The following SIL1 variants were observed in gnomAD, a reference collection of about 807,000 sequenced individuals.
The protein encoded by SIL1 is nucleotide exchange factor SIL1.
In SIL1, 40 loss-of-function variants were observed where a neutral mutation model predicts 49.1. The observed-to-expected ratio is 0.81, with a 90% CI of 0.63 to 1.06. The LOEUF is 1.06. Ranked by LOEUF, SIL1 falls within the 50% of genes least tolerant of loss-of-function variation. The pLI, the probability that SIL1 is intolerant of heterozygous loss-of-function variation, is 0.00. For missense variants in SIL1, 500 were observed against 572.6 expected (o/e 0.87, Z 1.29); for synonymous variants, 253 against 250.8 (o/e 1.01, Z -0.08).
chr5:139,131,400 A>T (rs1274948696), intron 1 of SIL1, among the ~76,000 whole-genome samples: 2 of 151,814 alleles, frequency 1.3e-5, no homozygotes, highest in African/African-American at 4.8e-5. Context: ...CTCAGAAGTC[A>T]TTACCCCTCT....
chr5:139,121,895 C>T (rs575222535), intron 2 of SIL1, among the ~76,000 whole-genome samples: 9 of 152,232 alleles, frequency 5.9e-5, no homozygotes, highest in Middle Eastern at 3.4e-3. Context: ...CAGGAGACAG[C>T]GATGCAAGAT....
intron 7 of SIL1, among the ~76,000 whole-genome samples, chr5:138,957,414 T>TAA (rs58144526): frequency 0.025 from 2,249 of 91,378 alleles, 67 homozygotes; most frequent in African/African-American, 0.07. Context: ...TCTGCAAAAG[T>TAA]AAAAAAAAAA....
chr5:139,181,178 C>T (rs1751975773), intron 1 of SIL1, among the ~76,000 whole-genome samples: 3 of 152,264 alleles, frequency 2.0e-5, no homozygotes, highest in East Asian at 3.9e-4. Context: ...TCTCTCCTTT[C>T]CAACCAAGCC....
At chr5:139,095,425 C>G (rs1340770658) in intron 3 of SIL1, among the ~76,000 whole-genome samples, 1 of 152,124 alleles carries the variant, frequency 6.6e-6, no homozygotes, top group Non-Finnish European at 1.5e-5. Context: ...CCATACCCAG[C>G]TAATTTTTGT....
chr5:139,041,712 G>A (rs1175885037), intron 5 of SIL1, among the ~76,000 whole-genome samples: 1 of 151,612 alleles, frequency 6.6e-6, no homozygotes, highest in Non-Finnish European at 1.5e-5. Flanking sequence ...GCTGAGGCAG[G>A]AGAATCGCTT....
chr5:139,170,731 G>C (rs1287415277), intron 1 of SIL1, among the ~76,000 whole-genome samples: 1 of 151,954 alleles, frequency 6.6e-6, no homozygotes, highest in Admixed American at 6.6e-5. Flanking sequence ...CGTCTGGGAA[G>C]TGAGGAGCGT....
intron 3 of SIL1, among the ~76,000 whole-genome samples, chr5:139,099,664 T>C (rs1305236999): frequency 6.6e-6 from 1 of 152,098 alleles, no homozygotes; most frequent in African/African-American, 2.4e-5. Flanking sequence ...TTATGTTAAA[T>C]AAGCCAGGCA....
At chr5:139,023,484 G>C (rs755517913) in intron 6 of SIL1, among the ~76,000 whole-genome samples, 2 of 152,264 alleles carry the variant, frequency 1.3e-5, no homozygotes, top group African/African-American at 4.8e-5. Flanking sequence ...GAGGAGACAC[G>C]TGGGAGAAGG....
At chr5:139,152,025 T>C (rs950716525) in intron 1 of SIL1, among the ~76,000 whole-genome samples, 12 of 152,210 alleles carry the variant, frequency 7.9e-5, no homozygotes, top group African/African-American at 2.2e-4. Flanking sequence ...GTGCAGTGGC[T>C]GAGGAATTTT....
At chr5:139,158,637 T>C (rs934847174) in intron 1 of SIL1, among the ~76,000 whole-genome samples, 10 of 127,622 alleles carry the variant, frequency 7.8e-5, no homozygotes, top group African/African-American at 2.5e-4. Context: ...AGTCCCCAAG[T>C]GTGGGGGAGA....
At chr5:139,020,957 T>C (rs1291580704) in intron 7 of SIL1, among the ~76,000 whole-genome samples, 2 of 152,170 alleles carry the variant, frequency 1.3e-5, no homozygotes, top group East Asian at 1.9e-4. Flanking sequence ...TAAATGTCCA[T>C]ACACATAAGA....
intron 7 of SIL1, among the ~76,000 whole-genome samples, chr5:138,981,613 C>G (rs570892578): frequency 4.7e-4 from 71 of 152,312 alleles, no homozygotes; most frequent in African/African-American, 1.6e-3. Flanking sequence ...TTAGATCTGA[C>G]TGATGGCACA....
intron 1 of SIL1, among the ~76,000 whole-genome samples, chr5:139,139,226 A>AT (rs1345462619): frequency 6.6e-6 from 1 of 152,172 alleles, no homozygotes; most frequent in Non-Finnish European, 1.5e-5. Context: ...TCCTGACAGT[A>AT]TGTGCGATGG....
At chr5:139,094,392 T>C (rs1770409028) in intron 3 of SIL1, among the ~76,000 whole-genome samples, 1 of 152,186 alleles carries the variant, frequency 6.6e-6, no homozygotes, top group African/African-American at 2.4e-5. Context: ...CCAAAATCTC[T>C]GTCCACTCAG....
chr5:138,989,065 G>A (rs983716297), intron 7 of SIL1, among the ~76,000 whole-genome samples: 2 of 152,188 alleles, frequency 1.3e-5, no homozygotes, highest in African/African-American at 4.8e-5. Context: ...AAAGGGACAC[G>A]GTGGAAGGAC....
intron 2 of SIL1, among the ~76,000 whole-genome samples, chr5:139,126,947 T>C (rs570823952): frequency 3.5e-4 from 53 of 152,136 alleles, no homozygotes; most frequent in Non-Finnish European, 5.9e-4. Context: ...TAACTGACAG[T>C]GGGAGCTTAT....
chr5:138,981,567 C>G (rs1258451329), intron 7 of SIL1, among the ~76,000 whole-genome samples: 1 of 152,210 alleles, frequency 6.6e-6, no homozygotes, highest in Non-Finnish European at 1.5e-5. Flanking sequence ...ACTGCCCACT[C>G]CTGATACACA....
intron 7 of SIL1, among the ~76,000 whole-genome samples, chr5:138,952,747 T>C (rs184982904): frequency 3.5e-4 from 53 of 152,360 alleles, no homozygotes; most frequent in Admixed American, 1.8e-3. Context: ...AGTGATGTGA[T>C]TAAAACATTT....
At chr5:139,002,009 G>A (rs1478941549) in intron 7 of SIL1, among the ~76,000 whole-genome samples, 5 of 151,922 alleles carry the variant, frequency 3.3e-5, no homozygotes, top group South Asian at 2.1e-4. Context: ...TCAGGAGTTC[G>A]AGACCAGCCT....
Sources: allele counts gnomAD v4.1 joint callset (sites outside exome capture counted in the v4.1 genomes callset), GRCh38; gene constraint gnomAD v4.1.1; transcripts MANE v1.5; gene names NCBI Gene and HGNC (gene_info 2026-07-23, HGNC 2026-07-21).